The following PRKG1 variants were observed in gnomAD, a reference collection of about 807,000 sequenced individuals.
PRKG1 encodes protein kinase cGMP-dependent 1.
In PRKG1, 35 loss-of-function variants were observed where a neutral mutation model predicts 88.1. That is an observed-to-expected ratio of 0.40 (90% CI 0.30 to 0.53). PRKG1 has a LOEUF of 0.53. Ranked by LOEUF, PRKG1 falls within the 20% of genes least tolerant of loss-of-function variation. The probability of loss-of-function intolerance (pLI) is 0.59; values close to 1 mark genes in which losing one functional copy is unlikely to be tolerated. For synonymous variants in PRKG1, 303 were observed against 292.5 expected, an observed-to-expected ratio of 1.04 and a Z score of -0.37; for missense variants, 540 against 839.8, an observed-to-expected ratio of 0.64 and a Z score of 4.41.
At chr10:52,099,847 G>A (rs774287178) in intron 7 of PRKG1, among the ~76,000 whole-genome samples, 1 of 152,136 alleles carries the variant, frequency 6.6e-6, no homozygotes, top group South Asian at 2.1e-4. Flanking sequence ...TTAAGATTTG[G>A]GCACTTGCCT....
chr10:51,142,389 A>T (rs192754425), intron 1 of PRKG1, among the ~76,000 whole-genome samples: 1 of 152,224 alleles, frequency 6.6e-6, no homozygotes, highest in East Asian at 1.9e-4. Context: ...TAACTATTGC[A>T]GTGGATTTGT....
chr10:51,650,811 C>A (rs1840020467), intron 3 of PRKG1, among the ~76,000 whole-genome samples: 1 of 152,202 alleles, frequency 6.6e-6, no homozygotes, highest in Non-Finnish European at 1.5e-5. Context: ...GTTACCCCCA[C>A]CCTACCTCCA....
At chr10:51,312,577 A>C (rs1343185346) in intron 2 of PRKG1, among the ~76,000 whole-genome samples, 1 of 152,158 alleles carries the variant, frequency 6.6e-6, no homozygotes, top group Non-Finnish European at 1.5e-5. Flanking sequence ...TAGGTGAGAA[A>C]GGATGATAGA....
At position 51,831,965 on chromosome 10, in the gene PRKG1, A is replaced by G. The variant is rs139040744; in HGVS notation, c.698+27275A>G. On this transcript the variant is annotated intron_variant, in intron 4 of 17. Coordinates refer to ENST00000373980, the MANE Select transcript of PRKG1 (RefSeq NM_006258.4). Reference sequence around the variant, plus strand: ...ATGACTTATTTTTCCGTATATGTATATATTACATATACTTGTATTTTCTAA... The same window carrying G: ...ATGACTTATTTTTCCGTATATGTATGTATTACATATACTTGTATTTTCTAA... Among the ~76,000 whole-genome samples the G allele has an allele frequency of 4.9e-3, 739 of 152,294 alleles. 7 individuals are homozygous for G. The highest frequency in any genetic ancestry group is 0.017 in the African/African-American group (707 of 41,562).
intron 5 of PRKG1, among the ~76,000 whole-genome samples, chr10:51,947,245 G>A (rs188550683): frequency 0.024 from 3,578 of 151,448 alleles, 122 homozygotes; most frequent in African/African-American, 0.078. Flanking sequence ...GCGAGACTCC[G>A]TGGGCGTAGG....
rs145208862 is a variant in PRKG1, at chr10:51,921,611, G to A, written c.762+14041G>A. On this transcript the variant is annotated intron_variant, in intron 5 of 17. Transcript: ENST00000373980. ...CCCCTATTCTTAGTTTATGAAGAGT[G>A]TTTATCATAAATGGGTGTTAAATTT... 6.8e-4 allele frequency among the ~76,000 whole-genome samples: 104 copies of A among 152,140 alleles called. No homozygotes were observed. In the Middle Eastern group the frequency reaches 0.02, roughly 30 times the overall value.
chr10:51,363,740 A>C (rs1336103667), intron 2 of PRKG1, among the ~76,000 whole-genome samples: 4 of 151,948 alleles, frequency 2.6e-5, no homozygotes, highest in African/African-American at 9.7e-5. Context: ...TACTTTAAGA[A>C]AAGTCAAAGC....
chr10:52,240,266 T>C (rs1840825092), intron 9 of PRKG1, among the ~76,000 whole-genome samples: 1 of 152,144 alleles, frequency 6.6e-6, no homozygotes, highest in African/African-American at 2.4e-5. Flanking sequence ...ATCTCTGTAG[T>C]CTTCTTCTTC....
At chr10:52,037,068 T>A (rs1304065989) in intron 5 of PRKG1, among the ~76,000 whole-genome samples, 4 of 152,160 alleles carry the variant, frequency 2.6e-5, no homozygotes, top group Non-Finnish European at 4.4e-5. Context: ...AAGGAGTCAG[T>A]CAGCCTTGGG....
At chr10:51,443,662 C>T (rs745623161) in intron 2 of PRKG1, among the ~76,000 whole-genome samples, 2 of 151,988 alleles carry the variant, frequency 1.3e-5, no homozygotes, top group Non-Finnish European at 2.9e-5. Context: ...TGAGGTTACT[C>T]TGTTTTGTCA....
intron 4 of PRKG1, among the ~76,000 whole-genome samples, chr10:51,878,719 T>C (rs1299433637): frequency 6.6e-6 from 1 of 152,196 alleles, no homozygotes; most frequent in Non-Finnish European, 1.5e-5. Context: ...GATTTATTCC[T>C]GTCACAAGCC....
intron 3 of PRKG1, among the ~76,000 whole-genome samples, chr10:51,541,475 T>C (rs79634935): frequency 1.8e-3 from 281 of 152,340 alleles, no homozygotes; most frequent in Non-Finnish European, 3.1e-3. Context: ...GATATTCAAT[T>C]GCTATGCTAT....
In PRKG1 at chr10:52,241,358, A is replaced by G. The variant is rs558697748; in HGVS notation, c.1077-10212A>G. 2.0e-5 allele frequency among the ~76,000 whole-genome samples: 3 copies of G among 152,318 alleles called. No homozygotes were observed. The East Asian group carries it at 5.8e-4, about 29-fold the overall frequency. ...TTGTATCTCTCAAGACACTTGGAAT[A>G]ATAGAACTGTCAAGCTGTAAGTGAG... On this transcript the variant is annotated intron_variant, in intron 9 of 17. Coordinates refer to ENST00000373980, the MANE Select transcript of PRKG1 (RefSeq NM_006258.4).
intron 4 of PRKG1, among the ~76,000 whole-genome samples, chr10:51,833,397 G>A (rs560117539): frequency 6.6e-6 from 1 of 152,132 alleles, no homozygotes; most frequent in African/African-American, 2.4e-5. Context: ...TTATTGCATA[G>A]CTAGTTGTAA....
chr10:51,275,464 A>G (rs189312114), intron 2 of PRKG1, among the ~76,000 whole-genome samples: 17 of 152,338 alleles, frequency 1.1e-4, no homozygotes, highest in African/African-American at 4.1e-4. Flanking sequence ...TTCATAATGT[A>G]TTTCCTCATA....
At chr10:52,224,702 T>C (rs925914914) in intron 9 of PRKG1, among the ~76,000 whole-genome samples, 2 of 150,824 alleles carry the variant, frequency 1.3e-5, no homozygotes, top group African/African-American at 4.9e-5. Flanking sequence ...TGATGTTTGA[T>C]TTTCCATTCC....
At position 51,979,450 on chromosome 10, in the gene PRKG1, C is replaced by T. The variant is rs149810573; in HGVS notation, c.762+71880C>T. ...TTTTTTTTTTCTGTTTTGTCTCTGC[C>T]AGGTTTTGGTATCAGGATGACGCTG... On this transcript the variant is annotated intron_variant, in intron 5 of 17. Transcript: ENST00000373980. 4.8e-3 allele frequency among the ~76,000 whole-genome samples: 392 copies of T among 82,116 alleles called. 1 individual carries two copies. The highest frequency in any genetic ancestry group is 0.014 in the African/African-American group (349 of 24,386). 53.9% of individuals were successfully genotyped at this position (82,116 alleles called of 152,430 possible).
At chr10:51,739,155 T>C (rs1424331813) in intron 3 of PRKG1, among the ~76,000 whole-genome samples, 4 of 152,376 alleles carry the variant, frequency 2.6e-5, no homozygotes, top group Admixed American at 6.5e-5. Flanking sequence ...TTTTCTATTT[T>C]AGCCTCATCG....
chr10:51,858,994 C>G (rs1277194931), intron 4 of PRKG1, among the ~76,000 whole-genome samples: 1 of 152,114 alleles, frequency 6.6e-6, no homozygotes, highest in Non-Finnish European at 1.5e-5. Flanking sequence ...TAACACAATG[C>G]ACTTGTCTCA....
Sources: gnomAD v4.1 joint callset for allele counts (sites outside exome capture counted in the v4.1 genomes callset) on GRCh38, gnomAD v4.1.1 for gene constraint, MANE v1.5 for transcripts, NCBI Gene and HGNC (gene_info 2026-07-23, HGNC 2026-07-21) for gene names.